Variants in MYOM1 observed in about 807,000 individuals in gnomAD.
MYOM1 encodes myomesin 1.
A neutral mutation model predicts 205.3 loss-of-function variants in MYOM1; 164 were observed. The observed-to-expected ratio is 0.80, with a 90% CI of 0.70 to 0.91. The LOEUF is 0.91. Ranked by LOEUF, MYOM1 falls within the 40% of genes least tolerant of loss-of-function variation. The probability of loss-of-function intolerance (pLI) is 0.00; values close to 1 mark genes in which losing one functional copy is unlikely to be tolerated. For synonymous variants in MYOM1, 772 were observed against 789.4 expected, an observed-to-expected ratio of 0.98 and a Z score of 0.37; for missense variants, 2,011 against 2,127.3, an observed-to-expected ratio of 0.95 and a Z score of 1.08.
At chr18:3,215,397 G>A (rs2144262244) in intron 1 of MYOM1, 146 bp from the exon 2 acceptor site, 1 of 700,956 alleles carries the variant, frequency 1.4e-6, no homozygotes, top group African/African-American at 1.8e-5. Context: ...CTCGAGGCCG[G>A]GAGCTCAAAA....
At chr18:3,138,087 C>G (rs1294624815) in intron 14 of MYOM1, among the ~76,000 whole-genome samples, 1 of 152,066 alleles carries the variant, frequency 6.6e-6, no homozygotes, top group Non-Finnish European at 1.5e-5. Context: ...GAATGAAGGA[C>G]GTGGTGTATA....
At chr18:3,197,136 CTTTTTTT>C (rs34446814) in intron 2 of MYOM1, among the ~76,000 whole-genome samples, 1 of 132,514 alleles carries the variant, frequency 7.5e-6, no homozygotes, top group African/African-American at 2.9e-5. Context: ...CTCCAACTTC[CTTTTTTT>C]TTTTTTTTTT....
intron 13 of MYOM1, among the ~76,000 whole-genome samples, chr18:3,146,459 G>A (rs566958591): frequency 2.3e-4 from 35 of 152,050 alleles, no homozygotes; most frequent in Non-Finnish European, 4.0e-4. Flanking sequence ...ATTTTATTTC[G>A]GTTTAATAAT....
chr18:3,244,283 C>T, the MYOM1 span, among the ~76,000 whole-genome samples: 1 of 152,308 alleles, frequency 6.6e-6, no homozygotes, highest in East Asian at 1.9e-4. Flanking sequence ...CATAAGCTCA[C>T]ATTTAGTGGG....
chr18:3,089,483 A>C, intron 28 of MYOM1, 54 bp downstream of exon 28: 1 of 1,327,006 alleles, frequency 7.5e-7, no homozygotes, highest in South Asian at 1.4e-5. Context: ...TAACCTTGGA[A>C]TCTTTTGTAC....
At chr18:3,075,793 C>T (rs767866307) in intron 34 of MYOM1, 32 bp from the exon 35 acceptor site, 4 of 1,549,776 alleles carry the variant, frequency 2.6e-6, no homozygotes, top group African/African-American at 1.4e-5. Context: ...TTAGAATTTT[C>T]TCACCCAGAA....
intron 2 of MYOM1, among the ~76,000 whole-genome samples, chr18:3,199,954 A>ACTCATTGG (rs5822745): frequency 0.21 from 31,174 of 152,018 alleles, 3,185 homozygotes; most frequent in South Asian, 0.25. Context: ...ATGTCTGACC[A>ACTCATTGG]CCATTAATCT....
In MYOM1 at chr18:3,067,238, G is replaced by A. The variant is rs750921854; in HGVS notation, c.*24C>T. 35 of 1,565,808 alleles carry A rather than the reference G, an allele frequency of 2.2e-5. No homozygotes were observed. The highest frequency in any genetic ancestry group is 1.5e-4 in the African/African-American group (11 of 73,768). The stretch of plus-strand genomic sequence containing the variant: ...CATTCACACCCAAGTCACACAGGCC[G>A]GCTGGCTCTCCTCGCACCTCCGGTC... On this transcript the variant is annotated 3_prime_UTR_variant, in exon 38 of 38. Coordinates refer to ENST00000356443, the MANE Select transcript of MYOM1 (RefSeq NM_003803.4).
chr18:3,144,192 C>A (rs62076868), intron 13 of MYOM1, among the ~76,000 whole-genome samples: 20,417 of 151,920 alleles, frequency 0.13, 1,609 homozygotes, highest in Middle Eastern at 0.22. Flanking sequence ...GGCGACAGAG[C>A]AAGACTCCAT....
At chr18:3,228,070 G>GAGCTTTACTCCTGACAGCA in the MYOM1 span, among the ~76,000 whole-genome samples, 1 of 152,126 alleles carries the variant, frequency 6.6e-6, no homozygotes, top group African/African-American at 2.4e-5. This position sits in a 1 kb window ranked among gnomAD's most constrained non-coding sequence, Gnocchi z 4.5. Context: ...AGAAGACAAA[G>GAGCTTTACTCCTGACAGCA]AGCTTTACTC....
chr18:3,131,742 G>A (rs1371118820), intron 16 of MYOM1, among the ~76,000 whole-genome samples: 2 of 151,968 alleles, frequency 1.3e-5, no homozygotes, highest in East Asian at 1.9e-4. Context: ...AGCATGCCCA[G>A]CTAATAATTC....
intron 5 of MYOM1, among the ~76,000 whole-genome samples, chr18:3,182,814 T>C (rs2080755042): frequency 6.6e-6 from 1 of 151,882 alleles, no homozygotes; most frequent in Non-Finnish European, 1.5e-5. Flanking sequence ...TTTCACTACA[T>C]ATGTATTTTC....
intron 25 of MYOM1, among the ~76,000 whole-genome samples, chr18:3,097,755 G>A (rs72858640): frequency 0.092 from 14,009 of 152,118 alleles, 750 homozygotes; most frequent in Middle Eastern, 0.13. Flanking sequence ...ACCAAAATGC[G>A]ACACTGGGTC....
upstream of MYOM1, among the ~76,000 whole-genome samples, chr18:3,222,595 A>T (rs982779629): frequency 6.6e-6 from 1 of 152,208 alleles, no homozygotes; most frequent in Non-Finnish European, 1.5e-5. Flanking sequence ...ATTTTGACCT[A>T]ATAAATTATT....
the MYOM1 span, among the ~76,000 whole-genome samples, chr18:3,231,031 A>G: frequency 6.6e-5 from 10 of 152,338 alleles, no homozygotes; most frequent in South Asian, 1.2e-3. Flanking sequence ...TTTGCTAGAC[A>G]GGAAAGCACT....
intron 5 of MYOM1, among the ~76,000 whole-genome samples, chr18:3,181,114 A>G (rs1316290333): frequency 6.6e-6 from 1 of 152,128 alleles, no homozygotes; most frequent in Non-Finnish European, 1.5e-5. Flanking sequence ...TTTAGTAGAC[A>G]TGGGCTTTCA....
the MYOM1 span, among the ~76,000 whole-genome samples, chr18:3,242,506 G>A: frequency 6.6e-6 from 1 of 152,054 alleles, no homozygotes; most frequent in African/African-American, 2.4e-5. Context: ...CCAGTCTCAG[G>A]TATGTCTTTT....
chr18:3,124,088 C>T (rs1318258416), intron 19 of MYOM1, among the ~76,000 whole-genome samples: 3 of 151,392 alleles, frequency 2.0e-5, no homozygotes, highest in Non-Finnish European at 4.4e-5. Flanking sequence ...CCCCCCACCT[C>T]GGCCTCCCAA....
At chr18:3,120,609 G>T (rs895013355) in intron 19 of MYOM1, among the ~76,000 whole-genome samples, 2 of 152,132 alleles carry the variant, frequency 1.3e-5, no homozygotes, top group African/African-American at 4.8e-5. Context: ...AACGCCGTGC[G>T]CAGACCCCTG....
Sources: gnomAD v4.1 joint callset for allele counts (sites outside exome capture counted in the v4.1 genomes callset) on GRCh38, gnomAD v4.1.1 for gene constraint, Gnocchi (gnomAD v3.1) non-coding constraint, MANE v1.5 for transcripts, NCBI Gene and HGNC (gene_info 2026-07-23, HGNC 2026-07-21) for gene names.